KCNT2: variants seen among roughly 807,000 people sequenced by gnomAD.
KCNT2 encodes potassium channel subfamily T member 2.
KCNT2 carries 67 observed loss-of-function variants against 153.8 expected under a neutral mutation model. The observed-to-expected ratio is 0.44, with a 90% confidence interval of 0.36 to 0.53. KCNT2 has a LOEUF of 0.53. KCNT2 is among the 20% of genes least tolerant of loss of function. The pLI, the probability that KCNT2 is intolerant of heterozygous loss-of-function variation, is 0.00. For synonymous variants in KCNT2, 500 were observed against 458.8 expected (o/e 1.09, Z -1.15); for missense variants, 975 against 1,354.8 (o/e 0.72, Z 4.40).
chr1:196,267,725 C>T (rs1657681405), intron 25 of KCNT2, among the ~76,000 whole-genome samples: 2 of 152,006 alleles, frequency 1.3e-5, no homozygotes, highest in African/African-American at 2.4e-5. Context: ...AATCAGATGC[C>T]CTGCGCTCAG....
intron 14 of KCNT2, among the ~76,000 whole-genome samples, chr1:196,348,943 G>A (rs559954454): frequency 1.3e-5 from 2 of 151,912 alleles, no homozygotes; most frequent in South Asian, 4.2e-4. Context: ...CTCCAGCCTG[G>A]GCAACAAAGG....
intron 1 of KCNT2, among the ~76,000 whole-genome samples, chr1:196,498,840 C>T (rs1680455361): frequency 6.6e-6 from 1 of 152,140 alleles, no homozygotes; most frequent in Non-Finnish European, 1.5e-5. Context: ...TCACATTATT[C>T]TCAGTTTACT....
intron 26 of KCNT2, among the ~76,000 whole-genome samples, chr1:196,251,446 T>C (rs1383055511): frequency 6.6e-6 from 1 of 152,032 alleles, no homozygotes; most frequent in Non-Finnish European, 1.5e-5. Context: ...ATAGTGTAAT[T>C]TGAAACAATG....
intron 12 of KCNT2, among the ~76,000 whole-genome samples, chr1:196,411,212 G>A (rs745815727): frequency 1.2e-4 from 18 of 149,084 alleles, no homozygotes; most frequent in Middle Eastern, 3.5e-3. Context: ...TGACAACCTC[G>A]TCAAAGATCA....
chr1:196,475,164 T>C (rs927376693), intron 5 of KCNT2, among the ~76,000 whole-genome samples: 1 of 152,224 alleles, frequency 6.6e-6, no homozygotes, highest in African/African-American at 2.4e-5. Context: ...TCCATAAATA[T>C]ACATATGTAA....
At chr1:196,581,481 C>T (rs779305536) in intron 1 of KCNT2, among the ~76,000 whole-genome samples, 2 of 151,846 alleles carry the variant, frequency 1.3e-5, no homozygotes, top group Non-Finnish European at 2.9e-5. Context: ...AAAATGAATG[C>T]CACCGGGTGA....
intron 12 of KCNT2, among the ~76,000 whole-genome samples, chr1:196,415,186 C>T (rs1672656112): frequency 6.6e-6 from 1 of 151,964 alleles, no homozygotes; most frequent in African/African-American, 2.4e-5. Flanking sequence ...CAGACCTCGA[C>T]ATTTTGAAAA....
intron 25 of KCNT2, chr1:196,273,571 A>G (rs1370949437): frequency 1.0e-6 from 1 of 981,694 alleles, no homozygotes; most frequent in African/African-American, 1.6e-5. Flanking sequence ...AACAATCAGT[A>G]ACAAGGACAA....
At chr1:196,274,023 T>C (rs1008838711) in intron 25 of KCNT2, among the ~76,000 whole-genome samples, 8 of 151,626 alleles carry the variant, frequency 5.3e-5, no homozygotes, top group African/African-American at 1.7e-4. Flanking sequence ...CTATAATCAT[T>C]ATTGGTGTTA....
chr1:196,549,145 A>T (rs1657553466), intron 1 of KCNT2, among the ~76,000 whole-genome samples: 1 of 152,016 alleles, frequency 6.6e-6, no homozygotes, highest in Non-Finnish European at 1.5e-5. Flanking sequence ...CCTAAAACTT[A>T]AAGTATGATA....
chr1:196,584,829 T>C (rs1172346380), intron 1 of KCNT2, among the ~76,000 whole-genome samples: 1 of 152,056 alleles, frequency 6.6e-6, no homozygotes, highest in Non-Finnish European at 1.5e-5. Flanking sequence ...ACAAATATGA[T>C]TCATGATTTA....
At chr1:196,339,636 G>C (rs1665416423) in intron 16 of KCNT2, among the ~76,000 whole-genome samples, 1 of 151,860 alleles carries the variant, frequency 6.6e-6, no homozygotes, top group South Asian at 2.1e-4. Context: ...AAAGAGTAAA[G>C]TCTCTGAGGA....
At chr1:196,373,578 G>A (rs370596729) in intron 13 of KCNT2, among the ~76,000 whole-genome samples, 59 of 151,826 alleles carry the variant, frequency 3.9e-4, no homozygotes, top group African/African-American at 1.3e-3. Context: ...TTGAGGTGTG[G>A]TCTAAAATAT....
intron 8 of KCNT2, among the ~76,000 whole-genome samples, chr1:196,439,606 C>G (rs955108067): frequency 2.6e-5 from 4 of 151,928 alleles, no homozygotes; most frequent in Admixed American, 6.6e-5. Context: ...GTAAGAAATA[C>G]TACAGAAAAT....
intron 25 of KCNT2, chr1:196,273,601 T>A (rs1445315524): frequency 4.4e-6 from 3 of 677,590 alleles, no homozygotes; most frequent in Non-Finnish European, 7.5e-6. Flanking sequence ...TATACCCACA[T>A]AACAAAATCC....
chr1:196,331,140 A>T lies in KCNT2; in HGVS notation c.2103+16T>A, dbSNP rs1368162729. On this transcript the variant is annotated intron_variant, in intron 18 of 27. Coordinates refer to ENST00000294725, the MANE Select transcript of KCNT2 (RefSeq NM_198503.5). The stretch of plus-strand genomic sequence containing the variant: ...AATTTTATTTTGTAAACAAAAAAGC[A>T]TCAACAAGTACTTACCTTGTCTAAT... 3 of 1,339,652 alleles carry T rather than the reference A, an allele frequency of 2.2e-6. No homozygotes were observed. Among genetic ancestry groups the T allele is most frequent in the Non-Finnish European group, 3.2e-6 (3 of 937,164 alleles). 83.0% of individuals were successfully genotyped at this position (1,339,652 alleles called of 1,614,324 possible). A position where few individuals can be genotyped will look rare whatever the true frequency, so the allele number is the denominator to read the frequency against.
chr1:196,301,883 G>T (rs1661215879), intron 22 of KCNT2, among the ~76,000 whole-genome samples: 1 of 152,064 alleles, frequency 6.6e-6, no homozygotes, highest in Non-Finnish European at 1.5e-5. Flanking sequence ...GGGACTACAG[G>T]TGCACACCAC....
intron 14 of KCNT2, among the ~76,000 whole-genome samples, chr1:196,369,077 C>G (rs551806449): frequency 6.6e-6 from 1 of 151,906 alleles, no homozygotes; most frequent in Non-Finnish European, 1.5e-5. Flanking sequence ...TCTTACCCCT[C>G]GATTATTACT....
At chr1:196,472,725 C>T (rs915272988) in intron 5 of KCNT2, among the ~76,000 whole-genome samples, 3 of 152,162 alleles carry the variant, frequency 2.0e-5, no homozygotes, top group South Asian at 2.1e-4. Flanking sequence ...TCACACTATA[C>T]TATACTTATA....
Sources: allele counts gnomAD v4.1 joint callset (sites outside exome capture counted in the v4.1 genomes callset), GRCh38; gene constraint gnomAD v4.1.1; transcripts MANE v1.5; gene names NCBI Gene and HGNC (gene_info 2026-07-23, HGNC 2026-07-21).